SHC3: variants seen among roughly 807,000 people sequenced by gnomAD.
The protein encoded by SHC3 is SHC-transforming protein 3.
A neutral mutation model predicts 60.4 loss-of-function variants in SHC3; 15 were observed. That is an observed-to-expected ratio of 0.25 (90% CI 0.17 to 0.38). The LOEUF (loss-of-function observed/expected upper bound fraction) is 0.38, where lower values mean the gene tolerates loss of function less well. Ranked by LOEUF, SHC3 falls within the 10% of genes least tolerant of loss-of-function variation. The probability of loss-of-function intolerance (pLI) is 1.00; values close to 1 mark genes in which losing one functional copy is unlikely to be tolerated. For synonymous variants in SHC3, 294 were observed against 325.9 expected, an observed-to-expected ratio of 0.90 and a Z score of 1.05; for missense variants, 677 against 786.1, an observed-to-expected ratio of 0.86 and a Z score of 1.66.
At chr9:89,055,847 C>A (rs984433002) in intron 6 of SHC3, among the ~76,000 whole-genome samples, 3 of 152,230 alleles carry the variant, frequency 2.0e-5, no homozygotes, top group Non-Finnish European at 2.9e-5. Context: ...AACTTTCCAA[C>A]CATGCATCCC....
intron 4 of SHC3, among the ~76,000 whole-genome samples, chr9:89,071,901 T>A (rs1453868116): frequency 6.6e-6 from 1 of 152,184 alleles, no homozygotes; most frequent in Non-Finnish European, 1.5e-5. Context: ...CAAAGACTCT[T>A]CCTTGCAAGA....
At chr9:89,096,799 C>T (rs1418276744) in intron 2 of SHC3, among the ~76,000 whole-genome samples, 1 of 152,194 alleles carries the variant, frequency 6.6e-6, no homozygotes, top group Non-Finnish European at 1.5e-5. Flanking sequence ...AGAGGCTGCT[C>T]ATCATCCTAA....
At chr9:89,065,650 G>T (rs1825167100) in intron 5 of SHC3, 70 bp from the exon 6 acceptor site, 5 of 1,479,756 alleles carry the variant, frequency 3.4e-6, no homozygotes, top group Non-Finnish European at 9.4e-7. Flanking sequence ...GGGACACAGG[G>T]CACAAACCAG....
chr9:89,060,491 G>A (rs1223292584), intron 6 of SHC3, among the ~76,000 whole-genome samples: 2 of 152,004 alleles, frequency 1.3e-5, no homozygotes, highest in Non-Finnish European at 2.9e-5. Context: ...AGTCCAGGAA[G>A]GCCGGTGGTA....
chr9:89,054,092 G>A (rs757416269), intron 6 of SHC3, among the ~76,000 whole-genome samples: 2 of 152,158 alleles, frequency 1.3e-5, no homozygotes, highest in African/African-American at 4.8e-5. Flanking sequence ...CGAAGAATAC[G>A]ATTTACTGAG....
intron 7 of SHC3, among the ~76,000 whole-genome samples, chr9:89,049,938 G>A (rs1451062639): frequency 1.3e-5 from 2 of 152,202 alleles, no homozygotes; most frequent in African/African-American, 4.8e-5. Context: ...CTCTGGCTGG[G>A]AGGCTGCTCT....
Position 89,035,862 on chromosome 9 carries a change from T to TATATATATA in SHC3, c.1656+2130_1656+2131insTATATATAT, listed in dbSNP as rs1491088730. Among the ~76,000 whole-genome samples, 284 of 104,922 alleles carry TATATATATA rather than the reference T, an allele frequency of 2.7e-3. 7 individuals are homozygous for TATATATATA. Among genetic ancestry groups the TATATATATA allele is most frequent in the East Asian group, 7.1e-3 (16 of 2,248 alleles). The allele number at this position is 104,922 out of a possible 152,430, so 68.8% of individuals were successfully genotyped here. On this transcript the variant is annotated intron_variant, in intron 11 of 11. Coordinates refer to ENST00000375835, the MANE Select transcript of SHC3 (RefSeq NM_016848.6). ...ATATATATATATAGATGTGTGTGTG[T>TATATATATA]GTGTGTGTGTGTGTGTGTGTGTGTG...
At chr9:89,014,470 C>G (rs1826063018) in intron 11 of SHC3, among the ~76,000 whole-genome samples, 1 of 152,122 alleles carries the variant, frequency 6.6e-6, no homozygotes, top group Admixed American at 6.5e-5. Flanking sequence ...AGCCACCTGG[C>G]TAGGTCCATT....
intron 1 of SHC3, among the ~76,000 whole-genome samples, chr9:89,144,578 C>T (rs1002112303): frequency 1.3e-5 from 2 of 152,176 alleles, no homozygotes; most frequent in Non-Finnish European, 2.9e-5. Context: ...AACTCTTGAC[C>T]TCAACCATTT....
At chr9:89,050,251 T>C (rs996147091) in intron 7 of SHC3, among the ~76,000 whole-genome samples, 2 of 151,972 alleles carry the variant, frequency 1.3e-5, no homozygotes, top group Non-Finnish European at 2.9e-5. Context: ...TATCCTGGAG[T>C]TGTGTATAGC....
At chr9:89,055,099 G>A (rs1478922507) in intron 6 of SHC3, among the ~76,000 whole-genome samples, 1 of 152,224 alleles carries the variant, frequency 6.6e-6, no homozygotes, top group African/African-American at 2.4e-5. Flanking sequence ...GTAGTAGCTG[G>A]GGATGTGGTG....
chr9:89,139,399 G>A (rs926781940), intron 1 of SHC3, among the ~76,000 whole-genome samples: 4 of 151,958 alleles, frequency 2.6e-5, no homozygotes, highest in Non-Finnish European at 5.9e-5. Flanking sequence ...CACTTGGCCT[G>A]ATTATTTGTA....
rs562783783 is a variant in SHC3, at chr9:89,166,206, G to A, written c.474+11781C>T. On this transcript the variant is annotated intron_variant, in intron 1 of 11. Coordinates refer to ENST00000375835, the MANE Select transcript of SHC3 (RefSeq NM_016848.6). ...TGGGCTCCATTTCAGTATCATCTGGGAGAAGCCATCCTTGATTTCCATGTC... is the reference window on the plus strand; with the variant it reads ...TGGGCTCCATTTCAGTATCATCTGGAAGAAGCCATCCTTGATTTCCATGTC... Among the ~76,000 whole-genome samples the A allele has an allele frequency of 3.3e-5, 5 of 152,220 alleles. No homozygotes were observed. The East Asian group carries it at 7.7e-4, about 24-fold the overall frequency.
intron 4 of SHC3, among the ~76,000 whole-genome samples, chr9:89,071,923 A>C (rs534806771): frequency 6.6e-6 from 1 of 152,318 alleles, no homozygotes; most frequent in East Asian, 1.9e-4. Context: ...ATTGTTGTGC[A>C]TCTGGATCAA....
At chr9:89,054,318 C>T (rs555714407) in intron 6 of SHC3, among the ~76,000 whole-genome samples, 7 of 152,280 alleles carry the variant, frequency 4.6e-5, no homozygotes, top group African/African-American at 1.2e-4. Flanking sequence ...CATGGACTCT[C>T]GGGAATTAAC....
rs1193926022 is a variant in SHC3, at chr9:89,010,409, C to A, written c.*3038G>T. On this transcript the variant is annotated 3_prime_UTR_variant, in exon 12 of 12. Transcript: ENST00000375835. The stretch of plus-strand genomic sequence containing the variant: ...CCCCCATGAGAGGCCCAGCCGGCCT[C>A]CGTGGGACAGAGATGTCATTTGAAG... 3.9e-5 allele frequency: 6 copies of A among 152,236 alleles called. No individual in the cohort carries two copies. Among genetic ancestry groups the A allele is most frequent in the African/African-American group, 1.4e-4 (6 of 41,458 alleles). The allele number at this position is 152,236 out of a possible 1,614,324, so 9.4% of individuals were successfully genotyped here. A position where few individuals can be genotyped will look rare whatever the true frequency, so the allele number is the denominator to read the frequency against.
chr9:89,043,728 C>G (rs1824728936), intron 9 of SHC3, among the ~76,000 whole-genome samples: 1 of 151,890 alleles, frequency 6.6e-6, no homozygotes, highest in Admixed American at 6.6e-5. Flanking sequence ...TCTCGGCTCA[C>G]TGCAACCTCC....
At chr9:89,024,871 G>A (rs1826264001) in intron 11 of SHC3, among the ~76,000 whole-genome samples, 2 of 152,266 alleles carry the variant, frequency 1.3e-5, no homozygotes, top group Admixed American at 1.3e-4. Context: ...ATATTTAGGG[G>A]AGTTTGTTCA....
chr9:89,155,128 C>T (rs1587758640), intron 1 of SHC3, among the ~76,000 whole-genome samples: 2 of 152,160 alleles, frequency 1.3e-5, no homozygotes, highest in Non-Finnish European at 1.5e-5. Context: ...GGCCTGCTGA[C>T]CCCCTCTCTG....
Sources: allele counts gnomAD v4.1 joint callset (sites outside exome capture counted in the v4.1 genomes callset), GRCh38; gene constraint gnomAD v4.1.1; transcripts MANE v1.5; gene names NCBI Gene and HGNC (gene_info 2026-07-23, HGNC 2026-07-21).